The following DCHS2 variants were observed in gnomAD, a reference collection of about 807,000 sequenced individuals.
The protein encoded by DCHS2 is protocadherin-23.
In DCHS2, 142 loss-of-function variants were observed where a neutral mutation model predicts 182.4. That is an observed-to-expected ratio of 0.78 (90% CI 0.68 to 0.89). The LOEUF (loss-of-function observed/expected upper bound fraction) is 0.89, where lower values mean the gene tolerates loss of function less well. DCHS2 is among the 40% of genes least tolerant of loss of function. The probability of loss-of-function intolerance (pLI) is 0.00; values close to 1 mark genes in which losing one functional copy is unlikely to be tolerated. For synonymous variants in DCHS2, 1,740 were observed against 1,663.3 expected, an observed-to-expected ratio of 1.05 and a Z score of -1.12; for missense variants, 4,319 against 4,198.6, an observed-to-expected ratio of 1.03 and a Z score of -0.79.
In DCHS2 at chr4:154,337,170, T is replaced by A. The variant is rs147527654; in HGVS notation, c.2477-2066A>T. 2.3e-3 allele frequency among the ~76,000 whole-genome samples: 355 copies of A among 152,256 alleles called. 1 individual carries two copies. Among genetic ancestry groups the A allele is most frequent in the African/African-American group, 8.1e-3 (336 of 41,542 alleles). On this transcript the variant is annotated intron_variant, in intron 3 of 19. Transcript: ENST00000357232. ...AAAAAATATTGCTTTAGTATTAAAG[T>A]CTCTGATTGATTGAAAAATAAAACT...
chr4:154,313,341 G>A (rs1369560576), intron 10 of DCHS2, among the ~76,000 whole-genome samples: 1 of 152,144 alleles, frequency 6.6e-6, no homozygotes, highest in Admixed American at 6.5e-5. Context: ...ACTCCTGCTA[G>A]AGCTAATGTG....
intron 13 of DCHS2, among the ~76,000 whole-genome samples, chr4:154,295,082 T>C (rs1430197489): frequency 1.3e-5 from 2 of 152,220 alleles, no homozygotes; most frequent in Admixed American, 6.5e-5. Context: ...CTCTTTCATA[T>C]TGGTGAATAA....
chr4:154,265,420 T>G (rs1733198037), intron 14 of DCHS2, among the ~76,000 whole-genome samples: 1 of 152,140 alleles, frequency 6.6e-6, no homozygotes, highest in Non-Finnish European at 1.5e-5. Context: ...CATACTTAAG[T>G]CAAGGTAAAA....
At chr4:154,408,943 C>T (rs1221827318) in intron 1 of DCHS2, among the ~76,000 whole-genome samples, 2 of 152,136 alleles carry the variant, frequency 1.3e-5, no homozygotes, top group Non-Finnish European at 2.9e-5. Flanking sequence ...TGGAGTTCCC[C>T]TGGGGAGATG....
intron 1 of DCHS2, among the ~76,000 whole-genome samples, chr4:154,403,362 A>G (rs767003426): frequency 6.6e-6 from 1 of 152,016 alleles, no homozygotes; most frequent in Non-Finnish European, 1.5e-5. Context: ...TTTAATCTCA[A>G]ATAAGTGTTG....
At position 154,236,815 on chromosome 4, in the gene DCHS2, G is replaced by C; in HGVS notation, c.7837C>G (p.Gln2613Glu). 1 of 1,614,016 alleles carries C rather than the reference G, an allele frequency of 6.2e-7. No individual in the cohort carries two copies. Among genetic ancestry groups the C allele is most frequent in the Non-Finnish European group, 8.5e-7 (1 of 1,179,974 alleles). ...KFFHSEYPYK[Q>E]VGYLVLLHSL... ...TGAAGCAACACAAGATAACCGACTT[G>C]CTTATAAGGATATTCTGAATGAAAG... Residue 2613 changes from glutamine to glutamate, a missense_variant, in exon 20 of 20, where the codon CAA (glutamine) becomes GAA (glutamate). By Grantham distance (29) the Gln-to-Glu change is conservative (BLOSUM62 2). Transcript: ENST00000357232.
intron 3 of DCHS2, among the ~76,000 whole-genome samples, chr4:154,345,634 A>G (rs1056585659): frequency 6.7e-6 from 1 of 148,956 alleles, no homozygotes; most frequent in African/African-American, 2.5e-5. Context: ...AACCTATCAT[A>G]ACCTGTGGTA....
At chr4:154,294,636 C>T (rs1252067018) in intron 13 of DCHS2, among the ~76,000 whole-genome samples, 4 of 152,298 alleles carry the variant, frequency 2.6e-5, no homozygotes, top group South Asian at 2.1e-4. Context: ...AATATTAACC[C>T]TTTACATTTA....
At chr4:154,480,242 G>A (rs1020165730) in intron 1 of DCHS2, among the ~76,000 whole-genome samples, 3 of 152,148 alleles carry the variant, frequency 2.0e-5, no homozygotes, top group Non-Finnish European at 4.4e-5. Context: ...CGTGTTTAAG[G>A]CCATATACGG....
At chr4:154,344,435 A>T (rs778366669) in intron 3 of DCHS2, among the ~76,000 whole-genome samples, 1 of 152,238 alleles carries the variant, frequency 6.6e-6, no homozygotes, top group Non-Finnish European at 1.5e-5. Flanking sequence ...GCAAATATGC[A>T]TATCTATACA....
chr4:154,240,471 G>A (rs1416945653), intron 18 of DCHS2, 66 bp downstream of exon 18: 21 of 1,554,258 alleles, frequency 1.4e-5, no homozygotes, highest in African/African-American at 2.7e-5. Flanking sequence ...GGCGATGGAA[G>A]ACTTACATTA....
At chr4:154,324,404 C>T (rs891047149) in intron 7 of DCHS2, among the ~76,000 whole-genome samples, 18 of 152,074 alleles carry the variant, frequency 1.2e-4, no homozygotes, top group African/African-American at 4.3e-4. Flanking sequence ...ACTCCTGGTT[C>T]CTTTGGTGGA....
At chr4:154,321,705 T>TG (rs1302396461) in intron 8 of DCHS2, among the ~76,000 whole-genome samples, 1 of 152,212 alleles carries the variant, frequency 6.6e-6, no homozygotes, top group African/African-American at 2.4e-5. Context: ...CAGTAAAGAA[T>TG]ATAATTTGGA....
chr4:154,452,173 A>T (rs1035991418), intron 1 of DCHS2, among the ~76,000 whole-genome samples: 3 of 152,000 alleles, frequency 2.0e-5, no homozygotes, highest in African/African-American at 7.3e-5. Context: ...CTCATCATAC[A>T]GCTTGATACT....
chr4:154,360,719 T>C (rs1032065698), intron 3 of DCHS2, among the ~76,000 whole-genome samples: 2 of 152,154 alleles, frequency 1.3e-5, no homozygotes, highest in Non-Finnish European at 2.9e-5. Flanking sequence ...AACAAGTCTG[T>C]ACTACATTAC....
At chr4:154,430,065 T>G (rs1189072920) in intron 1 of DCHS2, among the ~76,000 whole-genome samples, 1 of 152,162 alleles carries the variant, frequency 6.6e-6, no homozygotes, top group Non-Finnish European at 1.5e-5. Flanking sequence ...GTAATGTAGG[T>G]GTCTCCTAAA....
At position 154,303,309 on chromosome 4, in the gene DCHS2, T is replaced by A. The variant is rs967650862; in HGVS notation, c.5605+1360A>T. ...CTTTCATATATTTTTAAGGTTTTTTTATTCTATCAAATACTTTTAAAAGGT... is the reference window on the plus strand; with the variant it reads ...CTTTCATATATTTTTAAGGTTTTTTAATTCTATCAAATACTTTTAAAAGGT... On this transcript the variant is annotated intron_variant, in intron 12 of 19. Transcript: ENST00000357232. Among the ~76,000 whole-genome samples, 9 of 152,200 alleles carry A rather than the reference T, an allele frequency of 5.9e-5. No individual in the cohort carries two copies. In the South Asian group the frequency reaches 6.2e-4, roughly 11 times the overall value.
chr4:154,265,475 A>G (rs1055908107), intron 14 of DCHS2, among the ~76,000 whole-genome samples: 4 of 152,228 alleles, frequency 2.6e-5, no homozygotes, highest in Non-Finnish European at 4.4e-5. Flanking sequence ...TGGAAAAATT[A>G]TAACCAAAAA....
intron 13 of DCHS2, among the ~76,000 whole-genome samples, chr4:154,282,841 T>C (rs1394120320): frequency 6.6e-6 from 1 of 152,146 alleles, no homozygotes; most frequent in Admixed American, 6.6e-5. Context: ...GAAATATTAT[T>C]TGGCCTTTAA....
Sources: gnomAD v4.1 joint callset for allele counts (sites outside exome capture counted in the v4.1 genomes callset) on GRCh38, gnomAD v4.1.1 for gene constraint, MANE v1.5 for transcripts, NCBI Gene and HGNC (gene_info 2026-07-23, HGNC 2026-07-21) for gene names.